PPP3CA: variants seen among roughly 807,000 people sequenced by gnomAD.
PPP3CA encodes the protein protein phosphatase 3 catalytic subunit alpha.
Under a neutral mutation model 66.5 loss-of-function variants are expected in PPP3CA, and 14 were observed. The ratio of observed to expected loss-of-function variants is 0.21; its 90% CI spans 0.14 to 0.33. The LOEUF (loss-of-function observed/expected upper bound fraction) is 0.33, where lower values mean the gene tolerates loss of function less well. PPP3CA is among the 10% of genes least tolerant of loss of function. PPP3CA has a pLI of 1.00. For synonymous variants in PPP3CA, 232 were observed against 226.2 expected, an observed-to-expected ratio of 1.03 and a Z score of -0.23; for missense variants, 317 against 639.5, an observed-to-expected ratio of 0.50 and a Z score of 5.44.
chr4:101,206,465 T>C (rs1725133236), intron 1 of PPP3CA, among the ~76,000 whole-genome samples: 2 of 152,208 alleles, frequency 1.3e-5, no homozygotes. Context: ...GAACCACTCT[T>C]GGGAGATAAT....
At chr4:101,312,898 C>A (rs1347700891) in intron 1 of PPP3CA, among the ~76,000 whole-genome samples, 1 of 152,128 alleles carries the variant, frequency 6.6e-6, no homozygotes, top group African/African-American at 2.4e-5. Flanking sequence ...TTTGACATAT[C>A]AACATTCTGG....
intron 8 of PPP3CA, among the ~76,000 whole-genome samples, chr4:101,072,665 A>T (rs1292799722): frequency 6.6e-6 from 1 of 152,244 alleles, no homozygotes; most frequent in Non-Finnish European, 1.5e-5. Context: ...GAACAGCATA[A>T]GTATAGTATG....
chr4:101,029,347 T>TAAAAAAAAA (rs34620032), intron 12 of PPP3CA, 152 bp from the exon 13 acceptor site: 107 of 78,810 alleles, frequency 1.4e-3, no homozygotes, highest in East Asian at 6.2e-3. Flanking sequence ...ACAGAAATGC[T>TAAAAAAAAA]AAAAAAAAAA....
chr4:101,032,252 C>T lies in PPP3CA; in HGVS notation c.1339+15G>A, dbSNP rs569112037. ...CGATGCCCCAGCACACAGTCATACC[C>T]ATCAGCCTGCTTACCGCTTTGCAGG... On this transcript the variant is annotated intron_variant, in intron 12 of 13. Coordinates refer to ENST00000394854, the MANE Select transcript of PPP3CA (RefSeq NM_000944.5). 1 of 1,579,160 alleles carries T rather than the reference C, an allele frequency of 6.3e-7. No homozygotes were observed. Among genetic ancestry groups the T allele is most frequent in the Non-Finnish European group, 8.6e-7 (1 of 1,162,586 alleles).
At chr4:101,029,002 A>G (rs554623200) in intron 13 of PPP3CA, among the ~76,000 whole-genome samples, 164 bp downstream of exon 13, 33 of 152,262 alleles carry the variant, frequency 2.2e-4, no homozygotes, top group Admixed American at 1.9e-3. Flanking sequence ...CAAACCATAG[A>G]AGGACATTTT....
At chr4:101,112,166 G>A (rs1403820894) in intron 2 of PPP3CA, among the ~76,000 whole-genome samples, 11 of 151,976 alleles carry the variant, frequency 7.2e-5, no homozygotes, top group Non-Finnish European at 1.5e-5. Context: ...ACATACAACT[G>A]AAGCATAATC....
chr4:101,240,048 C>G (rs3804402), intron 1 of PPP3CA, among the ~76,000 whole-genome samples: 718 of 134,630 alleles, frequency 5.3e-3, no homozygotes, highest in African/African-American at 0.011. Flanking sequence ...TTGGGGGGAG[C>G]GGGGGGGAGG....
chr4:101,104,618 T>C (rs963568881), intron 3 of PPP3CA, among the ~76,000 whole-genome samples: 4 of 152,278 alleles, frequency 2.6e-5, no homozygotes, highest in Middle Eastern at 6.8e-3. Flanking sequence ...ATTTACATGT[T>C]CCTTGCAAAA....
chr4:101,346,680 A>G (rs2110348377), intron 1 of PPP3CA, 59 bp downstream of exon 1: 1 of 1,489,232 alleles, frequency 6.7e-7, no homozygotes, highest in Non-Finnish European at 9.2e-7. Flanking sequence ...GAGGCGAGGC[A>G]AGCTGCCCTG....
At chr4:101,171,930 C>G (rs1723895913) in intron 2 of PPP3CA, among the ~76,000 whole-genome samples, 1 of 152,116 alleles carries the variant, frequency 6.6e-6, no homozygotes, top group South Asian at 2.1e-4. Context: ...TAATGCATGA[C>G]AGCATTCAAT....
At chr4:101,329,904 T>C (rs1177131979) in intron 1 of PPP3CA, among the ~76,000 whole-genome samples, 2 of 152,124 alleles carry the variant, frequency 1.3e-5, no homozygotes, top group Non-Finnish European at 2.9e-5. Flanking sequence ...CTCTTTGCAA[T>C]GCACCTAGTC....
chr4:101,271,812 A>T (rs959220155), intron 1 of PPP3CA, among the ~76,000 whole-genome samples: 1 of 152,154 alleles, frequency 6.6e-6, no homozygotes, highest in Non-Finnish European at 1.5e-5. Context: ...AGGGTAAAAG[A>T]TGGGCCCAAA....
intron 1 of PPP3CA, among the ~76,000 whole-genome samples, chr4:101,245,877 T>C (rs912278710): frequency 6.6e-6 from 1 of 152,078 alleles, no homozygotes; most frequent in African/African-American, 2.4e-5. Context: ...ATTTTGGAAA[T>C]TATATTATCA....
intron 2 of PPP3CA, among the ~76,000 whole-genome samples, chr4:101,178,776 A>T (rs1316412965): frequency 6.6e-6 from 1 of 152,116 alleles, no homozygotes; most frequent in Non-Finnish European, 1.5e-5. Context: ...ACTAAATCTA[A>T]CATAAAACCC....
intron 1 of PPP3CA, among the ~76,000 whole-genome samples, chr4:101,329,577 AG>A (rs1729314128): frequency 1.3e-5 from 2 of 152,320 alleles, no homozygotes; most frequent in African/African-American, 4.8e-5. Context: ...GATGCTGCCT[AG>A]GACTTTCACA....
chr4:101,312,277 T>C (rs141632651), intron 1 of PPP3CA, among the ~76,000 whole-genome samples: 1 of 152,120 alleles, frequency 6.6e-6, no homozygotes, highest in African/African-American at 2.4e-5. Flanking sequence ...AGTACAGATG[T>C]TCCTCTACTT....
chr4:101,113,173 A>G (rs1389084313), intron 2 of PPP3CA, among the ~76,000 whole-genome samples: 3 of 152,118 alleles, frequency 2.0e-5, no homozygotes, highest in Non-Finnish European at 4.4e-5. Context: ...ACCTCCATAC[A>G]TCTTATGGTT....
intron 2 of PPP3CA, among the ~76,000 whole-genome samples, chr4:101,186,919 C>A (rs1385261003): frequency 6.6e-6 from 1 of 152,066 alleles, no homozygotes; most frequent in African/African-American, 2.4e-5. Flanking sequence ...ACAGATACAG[C>A]AATAACAACA....
At chr4:101,334,655 A>C (rs1284452381) in intron 1 of PPP3CA, among the ~76,000 whole-genome samples, 1 of 152,210 alleles carries the variant, frequency 6.6e-6, no homozygotes, top group Non-Finnish European at 1.5e-5. Context: ...ATGAAATTTC[A>C]GGTATGGTAG....
Sources: allele counts gnomAD v4.1 joint callset (sites outside exome capture counted in the v4.1 genomes callset), GRCh38; gene constraint gnomAD v4.1.1; transcripts MANE v1.5; gene names NCBI Gene and HGNC (gene_info 2026-07-23, HGNC 2026-07-21).